Variants in NLN observed in about 807,000 individuals in gnomAD.
The protein encoded by NLN is neurolysin, also known as neurolysin, mitochondrial.
A neutral mutation model predicts 79.9 loss-of-function variants in NLN; 64 were observed. The observed-to-expected ratio is 0.80, with a 90% CI of 0.65 to 0.99. The LOEUF (loss-of-function observed/expected upper bound fraction) is 0.99, where lower values mean the gene tolerates loss of function less well. Among genes scored for constraint, NLN ranks in the 50% least tolerant of loss-of-function variants. The pLI is 0.00. For missense variants in NLN, 835 were observed against 858.7 expected, an observed-to-expected ratio of 0.97 and a Z score of 0.34; for synonymous variants, 267 against 296.6, an observed-to-expected ratio of 0.90 and a Z score of 1.02.
At chr5:65,819,428 A>C (rs1049901714) in intron 12 of NLN, among the ~76,000 whole-genome samples, 7 of 152,252 alleles carry the variant, frequency 4.6e-5, no homozygotes, top group Admixed American at 3.9e-4. Flanking sequence ...GCCCCAGGTC[A>C]CATAGCTAAG....
Position 65,810,033 on chromosome 5 carries a change from T to C in NLN, c.1715-4T>C, listed in dbSNP as rs1302673937. ...AACATGCCCAAACATTCTTATGTTATTAGGTCTTCTGACCCTGCGCCAGAT... is the reference window on the plus strand; with the variant it reads ...AACATGCCCAAACATTCTTATGTTACTAGGTCTTCTGACCCTGCGCCAGAT... On this transcript the variant is annotated splice_region_variant and splice_polypyrimidine_tract_variant and intron_variant, in intron 10 of 12. Coordinates refer to ENST00000380985, the MANE Select transcript of NLN (RefSeq NM_020726.5). 6.2e-7 allele frequency: 1 copy of C among 1,613,630 alleles called. No homozygotes were observed. The highest frequency in any genetic ancestry group is 8.5e-7 in the Non-Finnish European group (1 of 1,179,844).
At chr5:65,742,013 T>G (rs2561224) in intron 1 of NLN, among the ~76,000 whole-genome samples, 35,979 of 152,044 alleles carry the variant, frequency 0.24, 4,393 homozygotes, top group African/African-American at 0.27. Context: ...AAAGCTCTAT[T>G]TGTCAGTGGC....
Position 65,785,831 on chromosome 5 carries a change from A to T in NLN, c.879A>T (p.Leu293=). The change falls in exon 7 of 13, where the codon CTA becomes CTT. Residue 293 remains leucine (L), a synonymous_variant. Transcript: ENST00000380985. ...LLPLRTKVAK[L]LGYSTHADFV... ...CACTGCGAACCAAGGTGGCCAAACT[A>T]CTCGGTTATAGCACACATGCTGACT... is the stretch of plus-strand genomic sequence containing the variant. 6.2e-7 allele frequency: 1 copy of T among 1,613,736 alleles called. No individual in the cohort carries two copies. Among genetic ancestry groups the T allele is most frequent in the African/African-American group, 1.3e-5 (1 of 74,984 alleles).
chr5:65,752,746 G>C (rs893197795), intron 1 of NLN, among the ~76,000 whole-genome samples: 1 of 152,198 alleles, frequency 6.6e-6, no homozygotes, highest in Non-Finnish European at 1.5e-5. Context: ...AGATAATGCA[G>C]AAAGAAAGTA....
Position 65,780,245 on chromosome 5 carries a change from G to T in NLN, c.625G>T (p.Asp209Tyr). ...CIDFNKNLNE[D>Y]DTFLVFSKAE... ...TGATTTTAACAAAAACCTCAATGAG[G>T]ATGATACCTTCCTTGTATTTTCCAA... Residue 209 changes from aspartate (D) to tyrosine (Y), a missense_variant, in exon 5 of 13, where the codon GAT becomes TAT. Coordinates refer to ENST00000380985, the MANE Select transcript of NLN (RefSeq NM_020726.5). 4.1e-6 allele frequency: 6 copies of T among 1,472,962 alleles called. No individual in the cohort carries two copies. Among genetic ancestry groups the T allele is most frequent in the Non-Finnish European group, 5.6e-6 (6 of 1,064,250 alleles). 91.2% of individuals were successfully genotyped at this position (1,472,962 alleles called of 1,614,324 possible).
chr5:65,768,572 G>T (rs918038473), intron 3 of NLN, among the ~76,000 whole-genome samples: 1 of 152,228 alleles, frequency 6.6e-6, no homozygotes, highest in African/African-American at 2.4e-5. Context: ...AGACTGGGCT[G>T]CCATAACAAA....
chr5:65,777,992 G>A (rs987145783), intron 4 of NLN, among the ~76,000 whole-genome samples: 3 of 152,106 alleles, frequency 2.0e-5, no homozygotes, highest in Non-Finnish European at 2.9e-5. Context: ...TATTTCATGT[G>A]TGTTGAGCTT....
intron 1 of NLN, among the ~76,000 whole-genome samples, chr5:65,732,582 T>C (rs1758634657): frequency 7.1e-6 from 1 of 141,158 alleles, no homozygotes; most frequent in African/African-American, 2.7e-5. Flanking sequence ...AAAGCGTGCT[T>C]CTTGGACAGA....
rs1760268005 is a variant in NLN, at chr5:65,800,696, T to A, written c.1527+8041T>A. On this transcript the variant is annotated intron_variant, in intron 9 of 12. Coordinates refer to ENST00000380985, the MANE Select transcript of NLN (RefSeq NM_020726.5). Reference sequence around the variant, plus strand: ...TTTATTTATTTATTTATTTATTTATTTATTTTGAGGCAGGGTCTCACTCTG... The same window carrying A: ...TTTATTTATTTATTTATTTATTTATATATTTTGAGGCAGGGTCTCACTCTG... 2.0e-5 allele frequency among the ~76,000 whole-genome samples: 3 copies of A among 151,544 alleles called. No individual in the cohort carries two copies. In the South Asian group the frequency reaches 6.3e-4, roughly 32 times the overall value.
rs370852553 is a variant in NLN at position 65,803,261 on chromosome 5, G to A, written c.1528-6254G>A. Among the ~76,000 whole-genome samples the A allele has an allele frequency of 9.2e-5, 14 of 152,326 alleles. No individual in the cohort carries two copies. In the East Asian group the frequency reaches 2.5e-3, roughly 27 times the overall value. On this transcript the variant is annotated intron_variant, in intron 9 of 12. Transcript: ENST00000380985. The stretch of plus-strand genomic sequence containing the variant: ...TTTCTGCCCAGGAACCTGTCTGCCT[G>A]CTACCACTGTTTATGGTGCCCAGGC...
At chr5:65,780,158 G>C (rs367564122) in intron 4 of NLN, 21 bp from the exon 5 acceptor site, 9 of 972,888 alleles carry the variant, frequency 9.3e-6, no homozygotes, top group Non-Finnish European at 1.5e-5. Flanking sequence ...CTAATGCCCT[G>C]TATTTTTATC....
At chr5:65,814,153 G>T (rs1292991830) in intron 12 of NLN, among the ~76,000 whole-genome samples, 1 of 152,124 alleles carries the variant, frequency 6.6e-6, no homozygotes, top group Non-Finnish European at 1.5e-5. Context: ...GGTATAAGAA[G>T]TCTTTGCAAA....
At position 65,789,659 on chromosome 5, in the gene NLN, G is replaced by T. The variant is rs1348123246; in HGVS notation, c.1325+1175G>T. Reference sequence around the variant, plus strand: ...AGGCATCTGTAGTCTCAGCTACTTGGGAGGCCAAGGTATGAGAATAGCTTG... The same window carrying T: ...AGGCATCTGTAGTCTCAGCTACTTGTGAGGCCAAGGTATGAGAATAGCTTG... On this transcript the variant is annotated intron_variant, in intron 8 of 12. Coordinates refer to ENST00000380985, the MANE Select transcript of NLN (RefSeq NM_020726.5). Among the ~76,000 whole-genome samples the T allele has an allele frequency of 2.0e-5, 3 of 152,122 alleles. No homozygotes were observed. The East Asian group carries it at 5.8e-4, about 29-fold the overall frequency.
Position 65,825,602 on chromosome 5 carries a change from C to G in NLN, c.*2687C>G, listed in dbSNP as rs992515172. On this transcript the variant is annotated 3_prime_UTR_variant, in exon 13 of 13. Coordinates refer to ENST00000380985, the MANE Select transcript of NLN (RefSeq NM_020726.5). ...TACCTAGATAAACAACTAAAAATTGCCTTGAGTTATCACCTGAGCTACTTA... is the reference window on the plus strand; with the variant it reads ...TACCTAGATAAACAACTAAAAATTGGCTTGAGTTATCACCTGAGCTACTTA... The G allele has an allele frequency of 6.6e-6, 1 of 152,104 alleles. No individual in the cohort carries two copies. The highest frequency in any genetic ancestry group is 2.4e-5 in the African/African-American group (1 of 41,402). 9.4% of individuals were successfully genotyped at this position (152,104 alleles called of 1,614,324 possible). A position where few individuals can be genotyped will look rare whatever the true frequency, so the allele number is the denominator to read the frequency against.
chr5:65,730,543 C>CT (rs530066196), intron 1 of NLN, among the ~76,000 whole-genome samples: 390 of 142,956 alleles, frequency 2.7e-3, no homozygotes, highest in African/African-American at 6.8e-3. Context: ...CTATTTTCTT[C>CT]TTTTTTTTTT....
At chr5:65,806,830 C>A (rs780259303) in intron 9 of NLN, among the ~76,000 whole-genome samples, 1 of 152,170 alleles carries the variant, frequency 6.6e-6, no homozygotes, top group African/African-American at 2.4e-5. Flanking sequence ...AGAAATCTTT[C>A]ATGAAAGGAA....
chr5:65,739,643 G>A (rs1440708008), intron 1 of NLN, among the ~76,000 whole-genome samples: 1 of 152,028 alleles, frequency 6.6e-6, no homozygotes, highest in African/African-American at 2.4e-5. Context: ...AGTGTGTGCG[G>A]GTTCCCTTTT....
In NLN at chr5:65,792,618, A is replaced by G. The variant is rs768411586; in HGVS notation, c.1490A>G (p.His497Arg). 13 of 1,613,874 alleles carry G rather than the reference A, an allele frequency of 8.1e-6. No homozygotes were observed. The South Asian group carries it at 1.4e-4, about 18-fold the overall frequency. ...LRHDEVRTYF[H>R]EFGHVMHQIC... ...CACGACGAGGTGAGGACTTACTTTCATGAGTTTGGTCACGTGATGCATCAG... is the reference window on the plus strand; with the variant it reads ...CACGACGAGGTGAGGACTTACTTTCGTGAGTTTGGTCACGTGATGCATCAG... The change falls in exon 9 of 13, where the codon CAT (histidine) becomes CGT (arginine). Residue 497 changes from histidine (H) to arginine (R), a missense_variant. Coordinates refer to ENST00000380985, the MANE Select transcript of NLN (RefSeq NM_020726.5).
At chr5:65,763,822 C>T (rs1313059983) in intron 3 of NLN, among the ~76,000 whole-genome samples, 1 of 151,890 alleles carries the variant, frequency 6.6e-6, no homozygotes, top group Non-Finnish European at 1.5e-5. Context: ...TAATTTGTAA[C>T]TCATTATACA....
Sources: allele counts gnomAD v4.1 joint callset (sites outside exome capture counted in the v4.1 genomes callset), GRCh38; gene constraint gnomAD v4.1.1; transcripts MANE v1.5; gene names NCBI Gene and HGNC (gene_info 2026-07-23, HGNC 2026-07-21).